The following CSMD3 variants were observed in gnomAD, a reference collection of about 807,000 sequenced individuals.
The protein encoded by CSMD3 is CUB and Sushi multiple domains 3.
Under a neutral mutation model 435.2 loss-of-function variants are expected in CSMD3, and 177 were observed. That is an observed-to-expected ratio of 0.41 (90% confidence interval 0.36 to 0.46). The LOEUF is 0.46. Ranked by LOEUF, CSMD3 falls within the 20% of genes least tolerant of loss-of-function variation. CSMD3 has a pLI of 0.34. For synonymous variants in CSMD3, 1,656 were observed against 1,520.5 expected, an observed-to-expected ratio of 1.09 and a Z score of -2.07; for missense variants, 4,265 against 4,504.6, an observed-to-expected ratio of 0.95 and a Z score of 1.52.
In CSMD3 at chr8:112,534,551, T is replaced by C. The variant is rs186767853; in HGVS notation, c.4564+16120A>G. Among the ~76,000 whole-genome samples the C allele has an allele frequency of 3.6e-3, 551 of 152,178 alleles. 1 individual carries two copies. The highest frequency in any genetic ancestry group is 0.013 in the African/African-American group (522 of 41,518). ...TGGCAAAAATCAATAGCTTACCAAC[T>C]AAAAAGAGTCCAGGACCAGATGGAT... On this transcript the variant is annotated intron_variant, in intron 27 of 70. Transcript: ENST00000297405.
chr8:112,813,971 C>T (rs932580353), intron 12 of CSMD3, among the ~76,000 whole-genome samples: 2 of 152,200 alleles, frequency 1.3e-5, no homozygotes, highest in Admixed American at 1.3e-4. Flanking sequence ...TCCCAGTGCA[C>T]AAGCCAGTTG....
intron 4 of CSMD3, among the ~76,000 whole-genome samples, chr8:113,139,873 T>C (rs2091506058): frequency 6.6e-6 from 1 of 151,116 alleles, no homozygotes; most frequent in South Asian, 2.1e-4. Context: ...AGCAGTATCA[T>C]GGAAATATTT....
At chr8:112,910,571 G>A (rs1289153799) in intron 10 of CSMD3, among the ~76,000 whole-genome samples, 1 of 151,732 alleles carries the variant, frequency 6.6e-6, no homozygotes, top group Non-Finnish European at 1.5e-5. Context: ...CTGAATCTCA[G>A]ATTCTTAACC....
intron 27 of CSMD3, among the ~76,000 whole-genome samples, chr8:112,528,186 G>A (rs1032473644): frequency 6.6e-6 from 1 of 151,774 alleles, no homozygotes; most frequent in Non-Finnish European, 1.5e-5. Flanking sequence ...GATATTATTA[G>A]CAGTTTATAC....
intron 4 of CSMD3, among the ~76,000 whole-genome samples, chr8:113,153,212 G>C (rs1588163071): frequency 1.3e-5 from 2 of 149,306 alleles, no homozygotes; most frequent in Non-Finnish European, 3.0e-5. Flanking sequence ...GGGAAAGAGA[G>C]AGGTACGGAA....
intron 22 of CSMD3, among the ~76,000 whole-genome samples, chr8:112,594,631 A>G (rs1395736274): frequency 6.6e-6 from 1 of 152,188 alleles, no homozygotes; most frequent in African/African-American, 2.4e-5. Flanking sequence ...AGCTTTGAAG[A>G]GAGTAGTGGT....
At chr8:113,053,906 C>T (rs1041146505) in intron 5 of CSMD3, among the ~76,000 whole-genome samples, 1 of 152,106 alleles carries the variant, frequency 6.6e-6, no homozygotes, top group Non-Finnish European at 1.5e-5. Flanking sequence ...GAGGTGAGAG[C>T]AATCAGCATG....
At chr8:113,103,555 T>G (rs981458470) in intron 4 of CSMD3, among the ~76,000 whole-genome samples, 1 of 152,246 alleles carries the variant, frequency 6.6e-6, no homozygotes, top group South Asian at 2.1e-4. Context: ...AATTTGGATT[T>G]ATTCCAATTT....
chr8:112,507,217 A>G (rs1431184610), intron 28 of CSMD3, among the ~76,000 whole-genome samples: 1 of 152,204 alleles, frequency 6.6e-6, no homozygotes, highest in Non-Finnish European at 1.5e-5. Context: ...ATAAATAGAA[A>G]AATAAGACAT....
chr8:112,905,921 C>T (rs906292269), intron 10 of CSMD3, among the ~76,000 whole-genome samples: 1 of 151,286 alleles, frequency 6.6e-6, no homozygotes, highest in East Asian at 2.0e-4. Context: ...ATGAATGGCG[C>T]GAGTCTTTGG....
intron 60 of CSMD3, among the ~76,000 whole-genome samples, chr8:112,264,517 T>C (rs1023584825): frequency 3.3e-5 from 5 of 152,206 alleles, no homozygotes; most frequent in South Asian, 4.1e-4. Flanking sequence ...TGAATAGCTT[T>C]TTACAGTTGA....
At chr8:113,401,194 A>G (rs1219296698) in intron 1 of CSMD3, among the ~76,000 whole-genome samples, 1 of 151,770 alleles carries the variant, frequency 6.6e-6, no homozygotes, top group Non-Finnish European at 1.5e-5. Flanking sequence ...ATTGAAATAA[A>G]CATCTGCTTA....
intron 17 of CSMD3, among the ~76,000 whole-genome samples, chr8:112,664,695 A>T (rs905597261): frequency 1.3e-5 from 2 of 152,150 alleles, no homozygotes; most frequent in Non-Finnish European, 2.9e-5. Flanking sequence ...GTAAAGTGAG[A>T]TCATATAGAT....
intron 2 of CSMD3, among the ~76,000 whole-genome samples, chr8:113,280,893 A>T (rs959323566): frequency 6.6e-6 from 1 of 151,910 alleles, no homozygotes. Flanking sequence ...GTAAATTTCC[A>T]TCTTGATTGC....
rs188006359 is a variant in CSMD3, at chr8:112,866,695, G to C, written c.1634-7429C>G. ...TTCTTTGTTTATTAGCCAGGCATAA[G>C]GATGAATAATCATAGTGTCAGAGAC... On this transcript the variant is annotated intron_variant, in intron 10 of 70. Coordinates refer to ENST00000297405, the MANE Select transcript of CSMD3 (RefSeq NM_198123.2). Among the ~76,000 whole-genome samples the C allele has an allele frequency of 1.9e-4, 29 of 152,152 alleles. No homozygotes were observed. In the East Asian group the frequency reaches 5.6e-3, roughly 29 times the overall value.
At chr8:112,285,578 C>T (rs926329291) in intron 58 of CSMD3, among the ~76,000 whole-genome samples, 6 of 152,004 alleles carry the variant, frequency 3.9e-5, no homozygotes, top group South Asian at 4.1e-4. Flanking sequence ...TTTGGTACAA[C>T]GTCAAGTAAG....
chr8:112,859,349 A>G (rs551010934), intron 10 of CSMD3, 83 bp from the exon 11 acceptor site: 1 of 1,149,142 alleles, frequency 8.7e-7, no homozygotes, highest in African/African-American at 1.5e-5. Flanking sequence ...AATAGACTTT[A>G]CATTCAAAAT....
intron 27 of CSMD3, among the ~76,000 whole-genome samples, chr8:112,547,575 T>G (rs569485930): frequency 1.3e-5 from 2 of 152,030 alleles, no homozygotes; most frequent in African/African-American, 2.4e-5. Context: ...ACCAAAAAAC[T>G]TCTAGAACAA....
At chr8:112,697,466 T>C (rs2076284084) in intron 13 of CSMD3, among the ~76,000 whole-genome samples, 1 of 152,096 alleles carries the variant, frequency 6.6e-6, no homozygotes, top group Non-Finnish European at 1.5e-5. Flanking sequence ...GTTTGCATCA[T>C]TCTCAGCAAA....
Sources: allele counts gnomAD v4.1 joint callset (sites outside exome capture counted in the v4.1 genomes callset), GRCh38; gene constraint gnomAD v4.1.1; transcripts MANE v1.5; gene names NCBI Gene and HGNC (gene_info 2026-07-23, HGNC 2026-07-21).